The following TMEM178A variants were observed in gnomAD, a reference collection of about 807,000 sequenced individuals.
TMEM178A encodes transmembrane protein 178.
In TMEM178A, 12 loss-of-function variants were observed where a neutral mutation model predicts 29.1. The ratio of observed to expected loss-of-function variants is 0.41; its 90% CI spans 0.26 to 0.67. The LOEUF (loss-of-function observed/expected upper bound fraction) is 0.67, where lower values mean the gene tolerates loss of function less well. Among genes scored for constraint, TMEM178A ranks in the 30% least tolerant of loss-of-function variants. TMEM178A has a pLI of 0.29. For synonymous variants in TMEM178A, 210 were observed against 187.2 expected (o/e 1.12, Z -0.99); for missense variants, 366 against 419.1 (o/e 0.87, Z 1.11).
At chr2:39,724,044 C>T in the TMEM178A span, among the ~76,000 whole-genome samples, 2 of 152,184 alleles carry the variant, frequency 1.3e-5, no homozygotes, top group East Asian at 1.9e-4. Flanking sequence ...TTTGTAAGCA[C>T]AGAATCTCTC....
chr2:39,708,161 C>T (rs372013410), intron 3 of TMEM178A, among the ~76,000 whole-genome samples: 5 of 152,236 alleles, frequency 3.3e-5, no homozygotes, highest in South Asian at 4.2e-4. Flanking sequence ...GTGGCGATTT[C>T]GCAGCTAATT....
At chr2:39,730,953 T>C in the TMEM178A span, among the ~76,000 whole-genome samples, 1 of 152,190 alleles carries the variant, frequency 6.6e-6, no homozygotes, top group African/African-American at 2.4e-5. Flanking sequence ...TCTCATCTTC[T>C]CAAGGAGTTA....
At chr2:39,735,955 G>C in the TMEM178A span, 1 of 152,210 alleles carries the variant, frequency 6.6e-6, no homozygotes, top group Non-Finnish European at 1.5e-5. Flanking sequence ...GATTCACAGG[G>C]TGGAAAATTA....
chr2:39,724,281 CAAA>C, the TMEM178A span, among the ~76,000 whole-genome samples: 1 of 138,072 alleles, frequency 7.2e-6, no homozygotes, highest in African/African-American at 2.7e-5. Flanking sequence ...GTAATTATTT[CAAA>C]AAAAAAAAAG....
intron 1 of TMEM178A, 76 bp from the exon 2 acceptor site, chr2:39,704,005 C>T (rs969829342): frequency 1.2e-5 from 15 of 1,236,612 alleles, no homozygotes; most frequent in African/African-American, 3.0e-5. Flanking sequence ...GGTTAGGTTA[C>T]GGTATTCTGC....
At chr2:39,678,600 T>C (rs946158839) in intron 1 of TMEM178A, among the ~76,000 whole-genome samples, 11 of 152,188 alleles carry the variant, frequency 7.2e-5, no homozygotes, top group Non-Finnish European at 1.5e-4. Flanking sequence ...GATTTTCTTT[T>C]AGGTTTGTGA....
chr2:39,677,776 T>C (rs150639983), intron 1 of TMEM178A, among the ~76,000 whole-genome samples: 10 of 152,240 alleles, frequency 6.6e-5, no homozygotes, highest in Admixed American at 1.3e-4. Flanking sequence ...GAGACCTATT[T>C]ATTACAGCTT....
chr2:39,665,961 C>G lies in TMEM178A; in HGVS notation c.-14C>G. 1 of 1,334,632 alleles carries G rather than the reference C, an allele frequency of 7.5e-7. No homozygotes were observed. Among genetic ancestry groups the G allele is most frequent in the Non-Finnish European group, 9.6e-7 (1 of 1,045,638 alleles). The allele number at this position is 1,334,632 out of a possible 1,614,324, so 82.7% of individuals were successfully genotyped here. A position where few individuals can be genotyped will look rare whatever the true frequency, so the allele number is the denominator to read the frequency against. ...CGCGCGAGCCCACCGGCGGCTGCGGCGGGGCGGGAAGCCATGGAGCCGCGG... is the reference window on the plus strand; with the variant it reads ...CGCGCGAGCCCACCGGCGGCTGCGGGGGGGCGGGAAGCCATGGAGCCGCGG... On this transcript the variant is annotated 5_prime_UTR_variant, in exon 1 of 4. Coordinates refer to ENST00000281961, the MANE Select transcript of TMEM178A (RefSeq NM_152390.3).
At chr2:39,714,718 CA>C (rs1334724051) in intron 3 of TMEM178A, among the ~76,000 whole-genome samples, 1 of 152,204 alleles carries the variant, frequency 6.6e-6, no homozygotes, top group African/African-American at 2.4e-5. Flanking sequence ...CTTTTCTATT[CA>C]GTATGAACCG....
rs558555601 is a variant in TMEM178A at position 39,692,667 on chromosome 2, T to G, written c.401-11414T>G. 4.6e-5 allele frequency among the ~76,000 whole-genome samples: 7 copies of G among 152,256 alleles called. No individual in the cohort carries two copies. The South Asian group carries it at 1.2e-3, about 27-fold the overall frequency. On this transcript the variant is annotated intron_variant, in intron 1 of 3. Coordinates refer to ENST00000281961, the MANE Select transcript of TMEM178A (RefSeq NM_152390.3). ...AGAGGGAGTAGATGGACATTAACAT[T>G]TATTAAGCGTCAACTATGGGCTAGG...
At chr2:39,719,458 G>A (rs1672659673), downstream of TMEM178A, among the ~76,000 whole-genome samples, 1 of 152,186 alleles carries the variant, frequency 6.6e-6, no homozygotes. Context: ...TGCTGGCAAG[G>A]ACTGAGGCTC....
intron 3 of TMEM178A, among the ~76,000 whole-genome samples, chr2:39,714,798 G>A (rs2540233): frequency 0.051 from 7,746 of 152,232 alleles, 629 homozygotes; most frequent in African/African-American, 0.18. Flanking sequence ...AGGAGCTAAT[G>A]AAAGAAATGT....
downstream of TMEM178A, among the ~76,000 whole-genome samples, chr2:39,721,647 T>C (rs543794668): frequency 6.6e-6 from 1 of 152,190 alleles, no homozygotes; most frequent in South Asian, 2.1e-4. Context: ...ACTCTGGTAA[T>C]TGAAAACAAA....
At chr2:39,707,720 C>T (rs1245217869) in intron 3 of TMEM178A, among the ~76,000 whole-genome samples, 1 of 152,218 alleles carries the variant, frequency 6.6e-6, no homozygotes, top group African/African-American at 2.4e-5. Context: ...CCTGCCTCAG[C>T]CTCCCAAAGT....
the TMEM178A span, among the ~76,000 whole-genome samples, chr2:39,727,385 C>T: frequency 6.6e-6 from 1 of 152,146 alleles, no homozygotes; most frequent in Non-Finnish European, 1.5e-5. Flanking sequence ...AAAATATGAA[C>T]ATGCACTAAA....
chr2:39,699,814 A>G (rs961377598), intron 1 of TMEM178A, among the ~76,000 whole-genome samples: 1 of 152,110 alleles, frequency 6.6e-6, no homozygotes, highest in African/African-American at 2.4e-5. Flanking sequence ...TTATTGCTTT[A>G]GCTGCATCAC....
At chr2:39,706,985 T>C in intron 2 of TMEM178A, 64 bp from the exon 3 acceptor site, 1 of 1,542,676 alleles carries the variant, frequency 6.5e-7, no homozygotes, top group Middle Eastern at 1.7e-4. Flanking sequence ...AAGCCCTAAT[T>C]CTCTAATTCT....
chr2:39,735,903 C>T, the TMEM178A span, among the ~76,000 whole-genome samples: 1 of 152,220 alleles, frequency 6.6e-6, no homozygotes, highest in African/African-American at 2.4e-5. Context: ...TTTCCACACC[C>T]TGGCTGGAAA....
intron 1 of TMEM178A, among the ~76,000 whole-genome samples, chr2:39,688,904 A>C (rs970885558): frequency 7.9e-5 from 12 of 152,206 alleles, no homozygotes; most frequent in Admixed American, 7.2e-4. Context: ...ATATCCCATC[A>C]TAAATGCAGC....
Sources: allele counts gnomAD v4.1 joint callset (sites outside exome capture counted in the v4.1 genomes callset), GRCh38; gene constraint gnomAD v4.1.1; transcripts MANE v1.5; gene names NCBI Gene and HGNC (gene_info 2026-07-23, HGNC 2026-07-21).